Variants in KDM3A observed in about 807,000 individuals in gnomAD.
The protein encoded by KDM3A is lysine-specific demethylase 3A.
KDM3A carries 60 observed loss-of-function variants against 158.0 expected under a neutral mutation model. The ratio of observed to expected loss-of-function variants is 0.38; its 90% CI spans 0.31 to 0.47. KDM3A has a LOEUF of 0.47. KDM3A is among the 20% of genes least tolerant of loss of function. The pLI is 0.99. For synonymous variants in KDM3A, 608 were observed against 549.3 expected (o/e 1.11, Z -1.49); for missense variants, 1,319 against 1,574.3 (o/e 0.84, Z 2.74).
intron 8 of KDM3A, among the ~76,000 whole-genome samples, chr2:86,461,366 G>A (rs781288515): frequency 6.6e-6 from 1 of 152,118 alleles, no homozygotes; most frequent in African/African-American, 2.4e-5. Context: ...CTGATCTACA[G>A]TGGTGATCAT....
In KDM3A at chr2:86,484,026, G is replaced by A; in HGVS notation, c.2962G>A (p.Glu988Lys). ...VSGVHHKLNSELWKPESFRKE... is the reference protein window; with the variant it reads ...VSGVHHKLNSKLWKPESFRKE... Reference sequence around the variant, plus strand: ...TGGAGTGCATCATAAATTGAACTCTGAACTTTGGAAACCTGAATCCTTCAG... The same window carrying A: ...TGGAGTGCATCATAAATTGAACTCTAAACTTTGGAAACCTGAATCCTTCAG... Residue 988 changes from glutamate (E) to lysine (K), a missense_variant, in exon 19 of 26, where the codon GAA becomes AAA. By Grantham distance (56) the Glu-to-Lys change is moderately conservative. This residue lies in a region of KDM3A where 368 missense variants were observed against 415.8 expected (regional missense o/e 0.89). Transcript: ENST00000312912. 3 of 1,613,982 alleles carry A rather than the reference G, an allele frequency of 1.9e-6. No individual in the cohort carries two copies.
intron 4 of KDM3A, among the ~76,000 whole-genome samples, chr2:86,453,946 G>A (rs764061766): frequency 1.1e-4 from 16 of 152,240 alleles, no homozygotes; most frequent in Middle Eastern, 3.4e-3. Flanking sequence ...GCTAGAATTC[G>A]GTTTGGCAAG....
chr2:86,455,953 CAAAAAAAAAAAAA>C (rs574299612), intron 5 of KDM3A, among the ~76,000 whole-genome samples: 3 of 56,194 alleles, frequency 5.3e-5, no homozygotes, highest in African/African-American at 2.0e-4. Flanking sequence ...GACCCTGTCT[CAAAAAAAAAAAAA>C]AAAAAAAGAA....
At chr2:86,444,497 C>T (rs889690749) in intron 2 of KDM3A, among the ~76,000 whole-genome samples, 2 of 151,894 alleles carry the variant, frequency 1.3e-5, no homozygotes, top group African/African-American at 2.4e-5. Flanking sequence ...TTTATTTTAC[C>T]TTGATTTTAG....
intron 1 of KDM3A, 120 bp from the exon 2 acceptor site, chr2:86,441,898 G>A (rs1682731267): frequency 4.5e-6 from 3 of 671,726 alleles, no homozygotes; most frequent in Non-Finnish European, 6.9e-6. Flanking sequence ...CTCGGTGCGG[G>A]TCCGCCCGGG....
At chr2:86,457,166 T>A (rs115410890) in intron 8 of KDM3A, 95 bp downstream of exon 8, 4 of 433,764 alleles carry the variant, frequency 9.2e-6, no homozygotes, top group African/African-American at 8.3e-5. Context: ...ATTATTTTTA[T>A]TTTTTTAGAG....
At chr2:86,482,373 T>G in intron 17 of KDM3A, 85 bp from the exon 18 acceptor site, 1 of 1,548,920 alleles carries the variant, frequency 6.5e-7, no homozygotes, top group Non-Finnish European at 8.7e-7. Context: ...CTTCTGGATA[T>G]GTAATCTATA....
chr2:86,449,049 G>A (rs1021580773), intron 2 of KDM3A, among the ~76,000 whole-genome samples: 2 of 152,160 alleles, frequency 1.3e-5, no homozygotes, highest in Admixed American at 1.3e-4. Flanking sequence ...CTTTAAATAT[G>A]TATACAGGTT....
At chr2:86,439,649 C>T (rs1480725633), upstream of KDM3A, among the ~76,000 whole-genome samples, 1 of 152,006 alleles carries the variant, frequency 6.6e-6, no homozygotes, top group Non-Finnish European at 1.5e-5. Flanking sequence ...ATTTGAGTTG[C>T]ATATTTCTGA....
At position 86,477,998 on chromosome 2, in the gene KDM3A, C is replaced by T. The variant is rs1327963908; in HGVS notation, c.2061C>T (p.Cys687=). The T allele has an allele frequency of 1.9e-6, 3 of 1,614,112 alleles. No homozygotes were observed. The highest frequency in any genetic ancestry group is 2.5e-6 in the Non-Finnish European group (3 of 1,180,028). ...PRCGFGVCVD[C]YRMKRKNCQQ... ...GTGGGTTTGGAGTATGTGTGGACTG[C>T]TACCGGATGAAGAGAAAGAATTGCC... Residue 687 remains cysteine (C), a synonymous_variant, in exon 13 of 26, where the codon TGC becomes TGT. Transcript: ENST00000312912.
chr2:86,461,092 TATGGTAAAA>T (rs1672908146), intron 8 of KDM3A, among the ~76,000 whole-genome samples: 2 of 152,166 alleles, frequency 1.3e-5, no homozygotes, highest in Non-Finnish European at 2.9e-5. Flanking sequence ...CGCCAGGCAC[TATGGTAAAA>T]GCACAGCCCT....
rs367622060 is a variant in KDM3A at position 86,442,031 on chromosome 2, C to G, written c.-17C>G. Reference sequence around the variant, plus strand: ...GTGTTTTTGCAGGGAGGAGCTCTTCCTGCAGGCGTGGAAACCATGGTGCTC... The same window carrying G: ...GTGTTTTTGCAGGGAGGAGCTCTTCGTGCAGGCGTGGAAACCATGGTGCTC... On this transcript the variant is annotated 5_prime_UTR_variant, in exon 2 of 26. Coordinates refer to ENST00000312912, the MANE Select transcript of KDM3A (RefSeq NM_018433.6). 1 of 1,613,638 alleles carries G rather than the reference C, an allele frequency of 6.2e-7. No homozygotes were observed. Among genetic ancestry groups the G allele is most frequent in the South Asian group, 1.1e-5 (1 of 91,052 alleles).
chr2:86,444,234 G>A (rs1280425284), intron 2 of KDM3A, among the ~76,000 whole-genome samples: 1 of 152,204 alleles, frequency 6.6e-6, no homozygotes. Context: ...GCGGAGGGAG[G>A]CTGCGAATCC....
At position 86,474,887 on chromosome 2, in the gene KDM3A, G is replaced by A. The variant is rs754848850; in HGVS notation, c.1836G>A (p.Gly612=). ...LWLPLTKNVV[G]IDLDTAKYIL... ...TACCTTTAACCAAAAACGTTGTGGG[G>A]ATTGATTTGGACACAGCAAAGTACA... is the stretch of plus-strand genomic sequence containing the variant. The change falls in exon 12 of 26, where the codon GGG becomes GGA. Residue 612 remains glycine, a synonymous_variant. Transcript: ENST00000312912. 1.2e-6 allele frequency: 2 copies of A among 1,614,040 alleles called. No homozygotes were observed. The highest frequency in any genetic ancestry group is 1.1e-5 in the South Asian group (1 of 91,080).
chr2:86,477,312 C>G (rs947615338), intron 12 of KDM3A, among the ~76,000 whole-genome samples: 1 of 152,238 alleles, frequency 6.6e-6, no homozygotes, highest in Non-Finnish European at 1.5e-5. Flanking sequence ...ACCATTGTGC[C>G]TGCACAAAGT....
chr2:86,460,531 T>C (rs937063426), intron 8 of KDM3A, among the ~76,000 whole-genome samples: 1 of 152,216 alleles, frequency 6.6e-6, no homozygotes, highest in Non-Finnish European at 1.5e-5. Context: ...GGGTGGTCTT[T>C]AGAAGACAGG....
At chr2:86,443,974 A>G (rs1400544017) in intron 2 of KDM3A, among the ~76,000 whole-genome samples, 4 of 152,164 alleles carry the variant, frequency 2.6e-5, no homozygotes, top group African/African-American at 9.7e-5. Context: ...TGGAAACAAG[A>G]TTTTATTTAA....
intron 13 of KDM3A, 56 bp downstream of exon 13, chr2:86,478,085 T>G: frequency 6.2e-7 from 1 of 1,610,302 alleles, no homozygotes; most frequent in Non-Finnish European, 8.5e-7. Flanking sequence ...TCAAGTGTTT[T>G]TGTTGATTTG....
At chr2:86,480,412 G>T (rs367689387) in intron 16 of KDM3A, 50 bp downstream of exon 16, 2 of 1,493,262 alleles carry the variant, frequency 1.3e-6, no homozygotes. Context: ...TAGTCCATTC[G>T]TGGAAGGACT....
Sources: allele counts gnomAD v4.1 joint callset (sites outside exome capture counted in the v4.1 genomes callset), GRCh38; gene constraint gnomAD v4.1.1; regional missense constraint gnomAD v4.1.1; transcripts MANE v1.5; gene names NCBI Gene and HGNC (gene_info 2026-07-23, HGNC 2026-07-21).